Variants in CARMIL1 observed in about 807,000 individuals in gnomAD.
CARMIL1 encodes capping protein regulator and myosin 1 linker 1, also known as F-actin-uncapping protein LRRC16A.
A neutral mutation model predicts 177.1 loss-of-function variants in CARMIL1; 90 were observed. The ratio of observed to expected loss-of-function variants is 0.51; its 90% CI spans 0.43 to 0.61. CARMIL1 has a LOEUF of 0.61. Among genes scored for constraint, CARMIL1 ranks in the 20% least tolerant of loss-of-function variants. The probability of loss-of-function intolerance (pLI) is 0.00; values close to 1 mark genes in which losing one functional copy is unlikely to be tolerated. For missense variants in CARMIL1, 1,380 were observed against 1,667.0 expected, an observed-to-expected ratio of 0.83 and a Z score of 3.00; for synonymous variants, 577 against 606.2, an observed-to-expected ratio of 0.95 and a Z score of 0.71.
intron 28 of CARMIL1, among the ~76,000 whole-genome samples, chr6:25,555,694 G>T (rs964868635): frequency 6.6e-6 from 1 of 152,106 alleles, no homozygotes; most frequent in Non-Finnish European, 1.5e-5. Context: ...ACTGCACCTG[G>T]CCTAGAGCAT....
chr6:25,312,423 T>G (rs573221019), intron 2 of CARMIL1, among the ~76,000 whole-genome samples: 1 of 151,932 alleles, frequency 6.6e-6, no homozygotes, highest in South Asian at 2.1e-4. Context: ...TTTTTTTTTC[T>G]TCTGGGAAAA....
chr6:25,489,551 C>T (rs1292223575), intron 13 of CARMIL1, among the ~76,000 whole-genome samples: 1 of 152,160 alleles, frequency 6.6e-6, no homozygotes, highest in African/African-American at 2.4e-5. Context: ...CCTCTAGTCA[C>T]CAAGATAGAA....
At chr6:25,298,777 G>C (rs541469645) in intron 2 of CARMIL1, among the ~76,000 whole-genome samples, 1 of 138,038 alleles carries the variant, frequency 7.2e-6, no homozygotes, top group Non-Finnish European at 1.5e-5. Context: ...TTTTTGAGAC[G>C]GAGTTTTGCT....
At chr6:25,286,930 A>T (rs1440811871) in intron 2 of CARMIL1, among the ~76,000 whole-genome samples, 2 of 152,224 alleles carry the variant, frequency 1.3e-5, no homozygotes, top group Non-Finnish European at 2.9e-5. Flanking sequence ...TTGTAACCAA[A>T]TTAAAAATGT....
At chr6:25,442,886 T>C (rs920837446) in intron 5 of CARMIL1, among the ~76,000 whole-genome samples, 9 of 152,202 alleles carry the variant, frequency 5.9e-5, no homozygotes, top group Non-Finnish European at 1.2e-4. Context: ...TGTCCACTTT[T>C]GTTTTTCGAG....
At chr6:25,460,525 A>G (rs1044278194) in intron 8 of CARMIL1, among the ~76,000 whole-genome samples, 1 of 152,126 alleles carries the variant, frequency 6.6e-6, no homozygotes. Flanking sequence ...ATGTCACTCT[A>G]CACTAGACCT....
intron 2 of CARMIL1, among the ~76,000 whole-genome samples, chr6:25,365,698 A>G (rs560696725): frequency 5.9e-5 from 9 of 152,222 alleles, no homozygotes; most frequent in African/African-American, 2.2e-4. Flanking sequence ...GACTATAGGC[A>G]TGTGCCACTG....
chr6:25,415,916 A>G (rs1228938233), intron 2 of CARMIL1, among the ~76,000 whole-genome samples: 1 of 151,896 alleles, frequency 6.6e-6, no homozygotes, highest in African/African-American at 2.4e-5. Context: ...AGAAGAGGGA[A>G]AGGAGATGGA....
intron 24 of CARMIL1, among the ~76,000 whole-genome samples, 188 bp from the exon 25 acceptor site, chr6:25,537,667 T>A (rs1467619472): frequency 1.3e-5 from 2 of 152,232 alleles, no homozygotes; most frequent in African/African-American, 4.8e-5. Context: ...CTTGCATGAA[T>A]AAAGTAAATT....
intron 31 of CARMIL1, among the ~76,000 whole-genome samples, chr6:25,583,619 T>G (rs1396154771): frequency 6.6e-6 from 1 of 152,208 alleles, no homozygotes; most frequent in Non-Finnish European, 1.5e-5. Context: ...TAGATCAGGC[T>G]TTTGTTGTGT....
rs759900199 is a variant in CARMIL1, at chr6:25,594,455, A to C, written c.3047A>C (p.Asn1016Thr). 1 of 1,613,562 alleles carries C rather than the reference A, an allele frequency of 6.2e-7. No individual in the cohort carries two copies. Among genetic ancestry groups the C allele is most frequent in the South Asian group, 1.1e-5 (1 of 91,014 alleles). Residue 1016 changes from asparagine to threonine, a missense_variant, in exon 32 of 37, where the codon AAT becomes ACT. Transcript: ENST00000329474. ...ANIVSQDGEQ[N>T]GLMGRVDEGV... ...ATAGTCTCACAAGATGGTGAACAGA[A>C]TGGTCTCATGGGGAGAGTGGATGAA...
At chr6:25,367,704 C>T (rs996932534) in intron 2 of CARMIL1, among the ~76,000 whole-genome samples, 2 of 152,156 alleles carry the variant, frequency 1.3e-5, no homozygotes, top group Non-Finnish European at 2.9e-5. Context: ...ACTTGACTTC[C>T]AAACAGCCCA....
At chr6:25,383,719 C>G (rs888864459) in intron 2 of CARMIL1, 22 of 152,102 alleles carry the variant, frequency 1.4e-4, no homozygotes, top group African/African-American at 5.3e-4. Context: ...AAAATTATGG[C>G]TTGTATATTT....
chr6:25,472,691 C>A, intron 11 of CARMIL1, 170 bp downstream of exon 11: 1 of 568,494 alleles, frequency 1.8e-6, no homozygotes, highest in South Asian at 2.5e-5. Flanking sequence ...GCTTATGTTA[C>A]AATTGTATGA....
chr6:25,530,525 A>T (rs115136815), intron 24 of CARMIL1, among the ~76,000 whole-genome samples: 146 of 152,302 alleles, frequency 9.6e-4, no homozygotes, highest in African/African-American at 3.4e-3. Flanking sequence ...CGGCTATCTT[A>T]CAAGGGAACT....
At chr6:25,388,104 C>T (rs1329671064) in intron 2 of CARMIL1, 2 of 152,198 alleles carry the variant, frequency 1.3e-5, no homozygotes, top group African/African-American at 4.8e-5. Context: ...AGCATTACAC[C>T]TGCAATGTGT....
At chr6:25,287,233 T>C (rs932322802) in intron 2 of CARMIL1, among the ~76,000 whole-genome samples, 3 of 152,240 alleles carry the variant, frequency 2.0e-5, no homozygotes, top group Non-Finnish European at 4.4e-5. Context: ...AGTACGCTTT[T>C]TGAGTTGTGC....
At chr6:25,281,492 G>A (rs543099361) in intron 1 of CARMIL1, among the ~76,000 whole-genome samples, 1 of 152,132 alleles carries the variant, frequency 6.6e-6, no homozygotes, top group East Asian at 1.9e-4. Context: ...GGGTAGAGTG[G>A]AAATAAGGTG....
At chr6:25,298,332 A>G (rs1044046641) in intron 2 of CARMIL1, among the ~76,000 whole-genome samples, 9 of 152,212 alleles carry the variant, frequency 5.9e-5, no homozygotes, top group Non-Finnish European at 1.0e-4. Flanking sequence ...CTGGCCCTGT[A>G]CAAGGTACAT....
Sources: allele counts gnomAD v4.1 joint callset (sites outside exome capture counted in the v4.1 genomes callset), GRCh38; gene constraint gnomAD v4.1.1; transcripts MANE v1.5; gene names NCBI Gene and HGNC (gene_info 2026-07-23, HGNC 2026-07-21).